MKLN1: variants seen among roughly 807,000 people sequenced by gnomAD.
The protein encoded by MKLN1 is muskelin 1, also known as muskelin.
Under a neutral mutation model 99.0 loss-of-function variants are expected in MKLN1, and 18 were observed. The ratio of observed to expected loss-of-function variants is 0.18; its 90% CI spans 0.13 to 0.27. The LOEUF is 0.27. Ranked by LOEUF, MKLN1 falls within the 10% of genes least tolerant of loss-of-function variation. The pLI is 1.00. For missense variants in MKLN1, 621 were observed against 875.9 expected, an observed-to-expected ratio of 0.71 and a Z score of 3.67; for synonymous variants, 288 against 293.2, an observed-to-expected ratio of 0.98 and a Z score of 0.18.
intron 9 of MKLN1, among the ~76,000 whole-genome samples, 155 bp downstream of exon 9, chr7:131,429,300 AG>A (rs1203051917): frequency 6.6e-6 from 1 of 152,176 alleles, no homozygotes; most frequent in African/African-American, 2.4e-5. Context: ...CTTGAATTTC[AG>A]CTTCTATAAC....
chr7:131,480,422 T>C (rs893363091), intron 17 of MKLN1, among the ~76,000 whole-genome samples: 7 of 152,224 alleles, frequency 4.6e-5, no homozygotes, highest in African/African-American at 1.7e-4. Context: ...TCTGGTGCTT[T>C]TCACTGGGAT....
chr7:131,119,675 CT>C (rs1795331222), intron 1 of MKLN1, among the ~76,000 whole-genome samples: 2 of 152,306 alleles, frequency 1.3e-5, no homozygotes, highest in Non-Finnish European at 1.5e-5. Context: ...TGATTCTTGC[CT>C]TCTGTGCACC....
At chr7:131,135,147 G>A (rs1329664976) in intron 1 of MKLN1, among the ~76,000 whole-genome samples, 1 of 152,180 alleles carries the variant, frequency 6.6e-6, no homozygotes, top group Non-Finnish European at 1.5e-5. Context: ...TTTTGAGATA[G>A]CATCTTGCTC....
intron 6 of MKLN1, among the ~76,000 whole-genome samples, chr7:131,400,518 A>AAAATATATATATATATATATATAT (rs527702723): frequency 2.9e-5 from 4 of 137,430 alleles, no homozygotes; most frequent in African/African-American, 1.1e-4. Flanking sequence ...ATAAAAAAAA[A>AAAATATATATATATATATATATAT]ATATATATAT....
At chr7:131,411,901 C>A in intron 7 of MKLN1, among the ~76,000 whole-genome samples, 1 of 52,988 alleles carries the variant, frequency 1.9e-5, no homozygotes, top group African/African-American at 8.4e-5. Context: ...ATGGAGATTC[C>A]ATCTCAAAAA....
intron 12 of MKLN1, among the ~76,000 whole-genome samples, chr7:131,452,747 C>T (rs1796220406): frequency 6.6e-6 from 1 of 152,010 alleles, no homozygotes; most frequent in Admixed American, 6.6e-5. Context: ...GACGGGGTTT[C>T]ATCATGTTGG....
chr7:131,374,176 T>A (rs1431619575), intron 1 of MKLN1, among the ~76,000 whole-genome samples: 2 of 152,152 alleles, frequency 1.3e-5, no homozygotes, highest in Admixed American at 6.6e-5. Context: ...TAGGTTAATC[T>A]TCTGTATTCC....
At chr7:131,113,458 A>C (rs963996037) in intron 1 of MKLN1, among the ~76,000 whole-genome samples, 2 of 152,308 alleles carry the variant, frequency 1.3e-5, no homozygotes, top group East Asian at 3.9e-4. Context: ...GTTTGAACTT[A>C]TTCTAAGGCC....
chr7:131,232,799 C>T (rs942067419), intron 3 of MKLN1, among the ~76,000 whole-genome samples: 1 of 151,874 alleles, frequency 6.6e-6, no homozygotes, highest in Non-Finnish European at 1.5e-5. Flanking sequence ...AAGTGAGCTA[C>T]GATGCCACTG....
rs1379727560 is a variant in MKLN1, at chr7:131,494,666, T to TC, written c.*6940dup. Reference sequence around the variant, plus strand: ...AATTTTCTTCCTTACTTACAAATCATCCGTTCAGAAAAATAAAAGTGGACT... The same window carrying TC: ...AATTTTCTTCCTTACTTACAAATCATCCCGTTCAGAAAAATAAAAGTGGACT... On this transcript the variant is annotated 3_prime_UTR_variant, in exon 18 of 18. Coordinates refer to ENST00000352689, the MANE Select transcript of MKLN1 (RefSeq NM_013255.5). The TC allele has an allele frequency of 2.0e-5, 3 of 152,112 alleles. No homozygotes were observed. Among genetic ancestry groups the TC allele is most frequent in the Non-Finnish European group, 2.9e-5 (2 of 68,000 alleles). 9.4% of individuals were successfully genotyped at this position (152,112 alleles called of 1,614,324 possible).
intron 1 of MKLN1, among the ~76,000 whole-genome samples, chr7:131,345,345 C>T (rs1799527596): frequency 6.6e-6 from 1 of 152,202 alleles, no homozygotes; most frequent in Non-Finnish European, 1.5e-5. Flanking sequence ...GTCTGAAATG[C>T]TCCCATGAGC....
rs1390498394 is a variant in MKLN1, at chr7:131,489,123, G to A, written c.*1395G>A. 2.0e-5 allele frequency: 3 copies of A among 152,148 alleles called. No individual in the cohort carries two copies. Among genetic ancestry groups the A allele is most frequent in the Non-Finnish European group, 1.5e-5 (1 of 68,020 alleles). 9.4% of individuals were successfully genotyped at this position (152,148 alleles called of 1,614,324 possible). A position where few individuals can be genotyped will look rare whatever the true frequency, so the allele number is the denominator to read the frequency against. On this transcript the variant is annotated 3_prime_UTR_variant, in exon 18 of 18. Coordinates refer to ENST00000352689, the MANE Select transcript of MKLN1 (RefSeq NM_013255.5). Reference sequence around the variant, plus strand: ...AATCAAGTATGTCCCTGAGTAGCAAGATTAGGCCTCACCAAAGAAGAAATT... The same window carrying A: ...AATCAAGTATGTCCCTGAGTAGCAAAATTAGGCCTCACCAAAGAAGAAATT...
chr7:131,252,895 T>G (rs1335820964), intron 3 of MKLN1, among the ~76,000 whole-genome samples: 1 of 152,156 alleles, frequency 6.6e-6, no homozygotes, highest in Non-Finnish European at 1.5e-5. Context: ...AAATTCACCT[T>G]TAATTTAGTG....
upstream of MKLN1, among the ~76,000 whole-genome samples, chr7:131,325,790 C>A (rs1490430263): frequency 6.6e-6 from 1 of 151,898 alleles, no homozygotes; most frequent in Non-Finnish European, 1.5e-5. Context: ...AAAGAATATT[C>A]CATGCCTGGC....
intron 4 of MKLN1, among the ~76,000 whole-genome samples, chr7:131,395,543 TACTG>T (rs1306595752): frequency 2.0e-5 from 3 of 151,240 alleles, no homozygotes; most frequent in African/African-American, 7.3e-5. Context: ...ACCTTGTACT[TACTG>T]AGCACTAATA....
At chr7:131,430,038 TC>T (rs1318566977) in intron 9 of MKLN1, among the ~76,000 whole-genome samples, 1 of 152,194 alleles carries the variant, frequency 6.6e-6, no homozygotes, top group Non-Finnish European at 1.5e-5. Flanking sequence ...AAATGTTAAT[TC>T]ATTTATTATT....
At chr7:131,252,329 C>T (rs796783897) in intron 3 of MKLN1, among the ~76,000 whole-genome samples, 41 of 118,492 alleles carry the variant, frequency 3.5e-4, no homozygotes, top group Middle Eastern at 5.3e-3. Flanking sequence ...TTTTTCTTTT[C>T]TTTTTTTTTT....
intron 3 of MKLN1, among the ~76,000 whole-genome samples, chr7:131,233,478 C>A (rs1584855704): frequency 6.6e-6 from 1 of 151,800 alleles, no homozygotes; most frequent in Non-Finnish European, 1.5e-5. Context: ...CTTGGTGATA[C>A]ATAAGTTGTA....
rs200521348 is a variant in MKLN1 at position 131,328,028 on chromosome 7, C to T, written c.98+31C>T. ...TGCCGGGCCTTGAGCTCGTGCTGCC[C>T]CACCCTTCCGCGTCAGCACGGTTGG... On this transcript the variant is annotated intron_variant, in intron 1 of 17. Transcript: ENST00000352689. 2.1e-4 allele frequency: 335 copies of T among 1,610,912 alleles called. No homozygotes were observed. In the East Asian group the frequency reaches 3.2e-3, roughly 15 times the overall value.
Sources: gnomAD v4.1 joint callset for allele counts (sites outside exome capture counted in the v4.1 genomes callset) on GRCh38, gnomAD v4.1.1 for gene constraint, MANE v1.5 for transcripts, NCBI Gene and HGNC (gene_info 2026-07-23, HGNC 2026-07-21) for gene names.